TDRD9: variants seen among roughly 807,000 people sequenced by gnomAD.
TDRD9 encodes the protein ATP-dependent RNA helicase TDRD9.
TDRD9 carries 124 observed loss-of-function variants against 172.6 expected under a neutral mutation model. The ratio of observed to expected loss-of-function variants is 0.72; its 90% CI spans 0.62 to 0.83. The LOEUF (loss-of-function observed/expected upper bound fraction) is 0.83. Among genes scored for constraint, TDRD9 ranks in the 40% least tolerant of loss-of-function variants. The pLI is 0.00. For missense variants in TDRD9, 1,479 were observed against 1,714.1 expected (o/e 0.86, Z 2.42); for synonymous variants, 619 against 617.1 (o/e 1.00, Z -0.05).
At chr14:104,000,056 G>A (rs557566079) in intron 13 of TDRD9, among the ~76,000 whole-genome samples, 1 of 152,094 alleles carries the variant, frequency 6.6e-6, no homozygotes, top group African/African-American at 2.4e-5. Context: ...GGCCAGGTGC[G>A]GTGACTTACA....
chr14:104,049,641 T>G lies in TDRD9; in HGVS notation c.4008T>G (p.Ile1336Met), dbSNP rs2035885636. Residue 1336 changes from isoleucine to methionine, a missense_variant, in exon 35 of 36, where the codon ATT becomes ATG. Physicochemically the swap from Ile to Met is conservative, Grantham distance 10 (BLOSUM62 1). Transcript: ENST00000409874. Reference protein sequence around the residue: ...LFCQSKPREKIVPKWHEKPYE... With the variant: ...LFCQSKPREKMVPKWHEKPYE... ...GTCAGTCAAAACCAAGGGAGAAGAT[T>G]GTTCCCAAGTGGCATGAAAAGCCCT... 6.3e-7 allele frequency: 1 copy of G among 1,588,276 alleles called. No homozygotes were observed. The highest frequency in any genetic ancestry group is 1.8e-5 in the Admixed American group (1 of 56,602).
intron 1 of TDRD9, chr14:103,939,741 G>C (rs1236373720): frequency 4.3e-4 from 2 of 4,642 alleles, no homozygotes; most frequent in Non-Finnish European, 1.9e-3. Flanking sequence ...TTGAAAAAAA[G>C]TGTTTTTTTT....
intron 3 of TDRD9, among the ~76,000 whole-genome samples, chr14:103,964,505 T>A (rs1228137828): frequency 1.3e-5 from 2 of 151,804 alleles, no homozygotes; most frequent in African/African-American, 4.8e-5. Context: ...CTAGTTACTA[T>A]TTTTTTTGTT....
chr14:104,016,148 T>TG, intron 22 of TDRD9, 60 bp downstream of exon 22: 3 of 1,146,134 alleles, frequency 2.6e-6, no homozygotes, highest in Non-Finnish European at 3.8e-6. Context: ...ATTTTTGTTC[T>TG]CTAATTGTTT....
chr14:104,049,407 C>T, intron 34 of TDRD9: 1 of 410,922 alleles, frequency 2.4e-6, no homozygotes, highest in South Asian at 3.4e-5. Flanking sequence ...AGATCTGTCA[C>T]ACTCCATTTC....
intron 1 of TDRD9, chr14:103,941,641 G>T: frequency 3.3e-6 from 5 of 1,534,962 alleles, no homozygotes; most frequent in Non-Finnish European, 4.4e-6. Context: ...CCAGGATAGT[G>T]TGTGGGTTTG....
chr14:104,049,106 GTA>G (rs2035865052), intron 34 of TDRD9, among the ~76,000 whole-genome samples: 2 of 50,036 alleles, frequency 4.0e-5, no homozygotes, highest in African/African-American at 9.7e-5. Context: ...TGGTATGTAT[GTA>G]TGTATGTATG....
intron 2 of TDRD9, among the ~76,000 whole-genome samples, chr14:103,958,143 A>C (rs780333999): frequency 2.0e-5 from 3 of 152,216 alleles, no homozygotes; most frequent in South Asian, 2.1e-4. Context: ...TTAGTCATCC[A>C]GTTACACAAA....
At chr14:104,049,118 GTA>G (rs776323711) in intron 34 of TDRD9, among the ~76,000 whole-genome samples, 12,431 of 43,052 alleles carry the variant, frequency 0.29, 506 homozygotes, top group Non-Finnish European at 0.4. Context: ...ATGTATGTAT[GTA>G]TGTGTGTGTG....
intron 1 of TDRD9, among the ~76,000 whole-genome samples, chr14:103,947,284 GTTTGTTTTTTTTGTTTGTTTGTTTGT>G (rs1391645457): frequency 1.3e-5 from 2 of 151,646 alleles, no homozygotes; most frequent in Non-Finnish European, 2.9e-5. Context: ...GAAAAGGACA[GTTTGTTTTTTTTGTTTGTTTGTTTGT>G]TTTGTTTTTT....
intron 9 of TDRD9, among the ~76,000 whole-genome samples, chr14:103,993,113 G>A (rs1375125995): frequency 6.7e-6 from 1 of 150,098 alleles, no homozygotes; most frequent in Non-Finnish European, 1.5e-5. Flanking sequence ...GGGACTGCAG[G>A]CATGCACCCC....
intron 19 of TDRD9, among the ~76,000 whole-genome samples, chr14:104,007,835 T>TG (rs1457607129): frequency 6.6e-6 from 1 of 152,112 alleles, no homozygotes; most frequent in Non-Finnish European, 1.5e-5. Context: ...TGGAGTGCAG[T>TG]GGCACGATCT....
intron 21 of TDRD9, among the ~76,000 whole-genome samples, chr14:104,015,362 G>A (rs1003370375): frequency 2.0e-5 from 3 of 152,220 alleles, no homozygotes; most frequent in Non-Finnish European, 2.9e-5. Flanking sequence ...GTTGGCTGAT[G>A]CATACGGAAT....
intron 2 of TDRD9, among the ~76,000 whole-genome samples, chr14:103,959,455 C>CGCGTGTGTGTGTGTGTGTGTGTGTGTGT (rs2032394692): frequency 6.9e-6 from 1 of 144,022 alleles, no homozygotes; most frequent in African/African-American, 2.7e-5. Context: ...GTCAGGTTAT[C>CGCGTGTGTGTGTGTGTGTGTGTGTGTGT]GTGTGTGTGT....
intron 7 of TDRD9, among the ~76,000 whole-genome samples, chr14:103,977,749 T>C (rs1260580188): frequency 6.6e-6 from 1 of 151,838 alleles, no homozygotes; most frequent in East Asian, 1.9e-4. Context: ...TGTACAAATA[T>C]ATGTCCTGAA....
In TDRD9 at chr14:104,006,762, A is replaced by G; in HGVS notation, c.1944-20A>G. ...CACTGTATTTTAATGGTATTGAATG[A>G]CACTGTTATCTGTTTATAGGAACAA... On this transcript the variant is annotated intron_variant, in intron 17 of 35. Transcript: ENST00000409874. The G allele has an allele frequency of 6.2e-7, 1 of 1,613,530 alleles. No homozygotes were observed. The highest frequency in any genetic ancestry group is 8.5e-7 in the Non-Finnish European group (1 of 1,179,554).
Position 103,998,655 on chromosome 14 carries a change from C to G in TDRD9, c.1410C>G (p.Val470=), listed in dbSNP as rs1231534343. The G allele has an allele frequency of 6.2e-7, 1 of 1,610,394 alleles. No homozygotes were observed. Among genetic ancestry groups the G allele is most frequent in the Non-Finnish European group, 8.5e-7 (1 of 1,176,956 alleles). The part of the protein sequence containing the change: ...VIDFCLTRTL[V]CDEDTNYQSL... Reference sequence around the variant, plus strand: ...ATTTTTGTTTGACTAGAACTTTGGTCTGTGATGAAGATACAAATTATCAGA... The same window carrying G: ...ATTTTTGTTTGACTAGAACTTTGGTGTGTGATGAAGATACAAATTATCAGA... The change falls in exon 13 of 36, where the codon GTC becomes GTG. Residue 470 remains valine (V), a synonymous_variant. Coordinates refer to ENST00000409874, the MANE Select transcript of TDRD9 (RefSeq NM_153046.3).
At chr14:104,046,668 C>T in intron 34 of TDRD9, among the ~76,000 whole-genome samples, 1 of 151,094 alleles carries the variant, frequency 6.6e-6, no homozygotes. Flanking sequence ...TTTTTTGAGA[C>T]AGAGTCTTGC....
intron 23 of TDRD9, among the ~76,000 whole-genome samples, chr14:104,019,174 G>T (rs2034878621): frequency 6.6e-6 from 1 of 152,196 alleles, no homozygotes; most frequent in Non-Finnish European, 1.5e-5. Context: ...ACTCATTCCT[G>T]AATAGTGTGC....
Sources: allele counts gnomAD v4.1 joint callset (sites outside exome capture counted in the v4.1 genomes callset), GRCh38; gene constraint gnomAD v4.1.1; transcripts MANE v1.5; gene names NCBI Gene and HGNC (gene_info 2026-07-23, HGNC 2026-07-21).